Variants in INPP5B observed in about 807,000 individuals in gnomAD.
INPP5B encodes the protein inositol polyphosphate-5-phosphatase B.
INPP5B carries 90 observed loss-of-function variants against 118.5 expected under a neutral mutation model. The ratio of observed to expected loss-of-function variants is 0.76; its 90% CI spans 0.64 to 0.90. INPP5B has a LOEUF of 0.90. Among genes scored for constraint, INPP5B ranks in the 40% least tolerant of loss-of-function variants. The pLI is 0.00. For synonymous variants in INPP5B, 385 were observed against 418.9 expected (o/e 0.92, Z 0.99); for missense variants, 984 against 1,125.6 (o/e 0.87, Z 1.80).
At chr1:37,901,536 ACAGTTTGTGGATT>A (rs767429079) in intron 7 of INPP5B, among the ~76,000 whole-genome samples, 4 of 152,150 alleles carry the variant, frequency 2.6e-5, no homozygotes. Flanking sequence ...CTAAGGGCTG[ACAGTTTGTGGATT>A]CAGTTCACGG....
At chr1:37,932,202 G>A in intron 6 of INPP5B, 149 bp from the exon 7 acceptor site, 2 of 846,474 alleles carry the variant, frequency 2.4e-6, no homozygotes. Context: ...GAATAATTGT[G>A]AACACAAAAG....
intron 6 of INPP5B, among the ~76,000 whole-genome samples, chr1:37,933,713 C>T (rs1645579943): frequency 7.4e-6 from 1 of 135,350 alleles, no homozygotes. Context: ...GAGCTAGACT[C>T]TGTCTCAATA....
At chr1:37,862,658 C>T (rs556526872) in intron 23 of INPP5B, among the ~76,000 whole-genome samples, 15 of 152,302 alleles carry the variant, frequency 9.8e-5, no homozygotes, top group Admixed American at 6.5e-4. Context: ...ATACTGAATA[C>T]TACAGGCAAT....
chr1:37,946,444 A>G (rs1646115299), intron 1 of INPP5B, 110 bp from the exon 2 acceptor site: 1 of 731,956 alleles, frequency 1.4e-6, no homozygotes, highest in South Asian at 1.7e-5. Flanking sequence ...GCAGAGGGAG[A>G]TGGTACCGGG....
Position 37,888,358 on chromosome 1 carries a change from G to A in INPP5B, c.798-14C>T. On this transcript the variant is annotated splice_polypyrimidine_tract_variant and intron_variant, in intron 9 of 23. Transcript: ENST00000373024. ...CCCGCAAAAAACCTGTCACCAAAGAGAAATAATTAGTGACTCCGAATCACT... is the reference window on the plus strand; with the variant it reads ...CCCGCAAAAAACCTGTCACCAAAGAAAAATAATTAGTGACTCCGAATCACT... 1 of 1,477,534 alleles carries A rather than the reference G, an allele frequency of 6.8e-7. No homozygotes were observed. The highest frequency in any genetic ancestry group is 9.1e-7 in the Non-Finnish European group (1 of 1,095,760). The allele number at this position is 1,477,534 out of a possible 1,614,324, so 91.5% of individuals were successfully genotyped here.
In INPP5B at chr1:37,932,021, G is replaced by T; in HGVS notation, c.424C>A (p.Leu142Met). 6.2e-7 allele frequency: 1 copy of T among 1,603,774 alleles called. No individual in the cohort carries two copies. The highest frequency in any genetic ancestry group is 8.5e-7 in the Non-Finnish European group (1 of 1,173,546). The change falls in exon 7 of 24, where the codon CTG (leucine) becomes ATG (methionine). Residue 142 changes from leucine to methionine, a missense_variant. Transcript: ENST00000373024. The part of the protein sequence containing the change: ...FDSATRDPEF[L>M]WLSRYRCAEL... ...GCGCACCTATACCGAGACAGCCACA[G>T]GAATTCAGGATCCCGGGTCGCAGAA...
chr1:37,946,147 T>G (rs1646102816), intron 2 of INPP5B, 105 bp downstream of exon 2: 1 of 1,087,162 alleles, frequency 9.2e-7, no homozygotes, highest in African/African-American at 1.6e-5. Context: ...CCTTCTCCCC[T>G]GATGGTTCAG....
At chr1:37,872,773 A>T (rs1254161430) in intron 19 of INPP5B, among the ~76,000 whole-genome samples, 157 bp downstream of exon 19, 1 of 151,836 alleles carries the variant, frequency 6.6e-6, no homozygotes, top group Non-Finnish European at 1.5e-5. Context: ...AAATTTCAGG[A>T]TGGTTTGTAG....
chr1:37,889,423 C>A, intron 9 of INPP5B, 134 bp downstream of exon 9: 1 of 687,088 alleles, frequency 1.5e-6, no homozygotes, highest in Non-Finnish European at 2.4e-6. Context: ...CATGGAATCA[C>A]TCATTTTGAA....
chr1:37,928,314 C>T (rs1645318660), intron 7 of INPP5B, among the ~76,000 whole-genome samples: 1 of 152,054 alleles, frequency 6.6e-6, no homozygotes, highest in South Asian at 2.1e-4. Context: ...GCAGGGATTA[C>T]AGGTGCCTGC....
In INPP5B at chr1:37,862,399, G is replaced by A; in HGVS notation, c.2658C>T (p.Asn886=). The A allele has an allele frequency of 6.2e-7, 1 of 1,613,814 alleles. No individual in the cohort carries two copies. The highest frequency in any genetic ancestry group is 8.5e-7 in the Non-Finnish European group (1 of 1,179,758). The part of the protein sequence containing the change: ...ASIFGSLLLR[N]PAGHQKLDMT... ...TATCAAGCTTTTGGTGACCAGCTGG[G>A]TTTCGAAGCAATAAGCTGCCAAATA... Residue 886 remains asparagine, a synonymous_variant, in exon 24 of 24, where the codon AAC becomes AAT. Transcript: ENST00000373024.
intron 7 of INPP5B, among the ~76,000 whole-genome samples, chr1:37,900,563 C>G (rs2148563435): frequency 6.6e-6 from 1 of 151,176 alleles, no homozygotes; most frequent in East Asian, 2.0e-4. Flanking sequence ...GAACTACTTT[C>G]AACTGGAAGT....
chr1:37,931,409 C>A (rs982817871), intron 7 of INPP5B: 5 of 1,488,270 alleles, frequency 3.4e-6, no homozygotes, highest in Non-Finnish European at 4.5e-6. Context: ...GGTCACACAG[C>A]GAGTTCGGAA....
chr1:37,886,888 C>G lies in INPP5B; in HGVS notation c.1131G>C (p.Met377Ile), dbSNP rs775456979. The G allele has an allele frequency of 5.0e-6, 8 of 1,612,930 alleles. No homozygotes were observed. Among genetic ancestry groups the G allele is most frequent in the Non-Finnish European group, 6.8e-6 (8 of 1,178,948 alleles). ...ETVGTGIMGR[M>I]GNKGGVAIRF... ...CCAAACAAACCAACCAAGGACTCAC[C>G]ATCCTCCCCATGATTCCTGTCCCCA... The change falls in exon 12 of 24, where the codon ATG (methionine) becomes ATC (isoleucine). Residue 377 changes from methionine to isoleucine, a missense_variant and splice_region_variant. Physicochemically the swap from Met to Ile is conservative, Grantham distance 10. This residue lies in a region of INPP5B where 634 missense variants were observed against 791.0 expected (regional missense o/e 0.80). Coordinates refer to ENST00000373024, the MANE Select transcript of INPP5B (RefSeq NM_005540.3).
At chr1:37,924,703 T>TTA (rs1167448882) in intron 7 of INPP5B, among the ~76,000 whole-genome samples, 6 of 151,616 alleles carry the variant, frequency 4.0e-5, no homozygotes, top group Admixed American at 2.0e-4. Context: ...GGTCAGGAGT[T>TTA]TGAGACCGGC....
chr1:37,940,226 G>T (rs1395636072), intron 6 of INPP5B, among the ~76,000 whole-genome samples: 1 of 152,146 alleles, frequency 6.6e-6, no homozygotes, highest in Non-Finnish European at 1.5e-5. Flanking sequence ...TGTCCTAAAG[G>T]CCACTAACGT....
chr1:37,916,410 C>CTTTTTTTTTT (rs1557692693), intron 7 of INPP5B, among the ~76,000 whole-genome samples: 1 of 147,296 alleles, frequency 6.8e-6, no homozygotes, highest in Admixed American at 6.8e-5. Context: ...CTTTTTCTTT[C>CTTTTTTTTTT]ATTTTTTTTT....
chr1:37,909,416 G>A (rs1644610134), intron 7 of INPP5B, among the ~76,000 whole-genome samples: 1 of 151,890 alleles, frequency 6.6e-6, no homozygotes, highest in African/African-American at 2.4e-5. Flanking sequence ...CTCACACCCG[G>A]TCTGGCTTAC....
Position 37,875,664 on chromosome 1 carries a change from C to A in INPP5B, c.1730G>T (p.Arg577Leu). 3 of 1,614,106 alleles carry A rather than the reference C, an allele frequency of 1.9e-6. No individual in the cohort carries two copies. The highest frequency in any genetic ancestry group is 2.5e-6 in the Non-Finnish European group (3 of 1,179,962). ...LYRKTLEEIV[R>L]SLDKMENANI... is the part of the protein sequence containing the mutation. ...GGCATTTTCCATCTTATCCAGGGAG[C>A]GAACAATTTCCTCCAGTGTCTTCCG... is the stretch of plus-strand genomic sequence containing the variant. The change falls in exon 17 of 24, where the codon CGC (arginine) becomes CTC (leucine). Residue 577 changes from arginine to leucine, a missense_variant. Physicochemically the swap from Arg to Leu is moderately radical, Grantham distance 102. Transcript: ENST00000373024.
Sources: allele counts gnomAD v4.1 joint callset (sites outside exome capture counted in the v4.1 genomes callset), GRCh38; gene constraint gnomAD v4.1.1; regional missense constraint gnomAD v4.1.1; transcripts MANE v1.5; gene names NCBI Gene and HGNC (gene_info 2026-07-23, HGNC 2026-07-21).